ZC3H10: variants seen among roughly 807,000 people sequenced by gnomAD.
ZC3H10 encodes zinc finger CCCH domain-containing protein 10.
Under a neutral mutation model 24.3 loss-of-function variants are expected in ZC3H10, and 12 were observed. The ratio of observed to expected loss-of-function variants is 0.49; its 90% CI spans 0.32 to 0.80. The LOEUF (loss-of-function observed/expected upper bound fraction) is 0.80. ZC3H10 is among the 30% of genes least tolerant of loss of function. ZC3H10 has a pLI of 0.04. For missense variants in ZC3H10, 360 were observed against 576.3 expected (o/e 0.62, Z 3.84); for synonymous variants, 226 against 217.0 (o/e 1.04, Z -0.36).
rs760072469 is a variant in ZC3H10 at position 56,121,617 on chromosome 12, C to G, written c.1055C>G (p.Pro352Arg). Residue 352 changes from proline (P) to arginine (R), a missense_variant, in exon 3 of 3, where the codon CCA becomes CGA. By Grantham distance (103) the Pro-to-Arg change is moderately radical. Transcript: ENST00000257940. The surrounding 1 kb of genome is among the most constrained non-coding windows in gnomAD (Gnocchi z 6.2). ...AATGCTGCACCTCCTGCTGCTCCAC[C>G]ACCCCCACCCCCACACTTGACCCCA... The part of the protein sequence containing the change: ...PTNAAPPAAP[P>R]PPPPHLTPEI... 13 of 1,612,634 alleles carry G rather than the reference C, an allele frequency of 8.1e-6. No homozygotes were observed. The highest frequency in any genetic ancestry group is 2.2e-5 in the East Asian group (1 of 44,864).
rs966903110 is a variant in ZC3H10, at chr12:56,126,840, A to T, written c.*4973A>T. 6.6e-6 allele frequency: 1 copy of T among 152,248 alleles called. No individual in the cohort carries two copies. The highest frequency in any genetic ancestry group is 2.4e-5 in the African/African-American group (1 of 41,472). 9.4% of individuals were successfully genotyped at this position (152,248 alleles called of 1,614,324 possible). A position where few individuals can be genotyped will look rare whatever the true frequency, so the allele number is the denominator to read the frequency against. ...AAGATACTGCTAGCCCTAGGGAAGT[A>T]GAGAAAAGGAAGTGAAAAAATTTAA... On this transcript the variant is annotated 3_prime_UTR_variant, in exon 3 of 3. Coordinates refer to ENST00000257940, the MANE Select transcript of ZC3H10 (RefSeq NM_032786.3).
At chr12:56,118,523 C>T (rs79350129) in intron 1 of ZC3H10, 1,806 of 152,624 alleles carry the variant, frequency 0.012, 19 homozygotes, top group Non-Finnish European at 0.02. Context: ...CTGCCCATCC[C>T]CTCAGCTTGA....
rs1312900315 is a variant in ZC3H10, at chr12:56,127,157, A to G, written c.*5290A>G. ...TCTAGTTCCTAGATCCTAGGACAAC[A>G]CTCCACCTCTAACGCCAGTTAACTA... On this transcript the variant is annotated 3_prime_UTR_variant, in exon 3 of 3. Coordinates refer to ENST00000257940, the MANE Select transcript of ZC3H10 (RefSeq NM_032786.3). The G allele has an allele frequency of 6.6e-6, 1 of 152,114 alleles. No homozygotes were observed. Among genetic ancestry groups the G allele is most frequent in the Non-Finnish European group, 1.5e-5 (1 of 68,018 alleles). The allele number at this position is 152,114 out of a possible 1,614,324, so 9.4% of individuals were successfully genotyped here.
rs1869825251 is a variant in ZC3H10, at chr12:56,121,451, C to T, written c.889C>T (p.Pro297Ser). Reference protein sequence around the residue: ...TAPATEQTLAPTVGTVATFNH... With the variant: ...TAPATEQTLASTVGTVATFNH... ...ACCAGCGACTGAGCAGACTCTGGCC[C>T]CCACTGTGGGCACTGTTGCCACTTT... is the stretch of plus-strand genomic sequence containing the variant. The change falls in exon 3 of 3, where the codon CCC (proline) becomes TCC (serine). Residue 297 changes from proline to serine, a missense_variant. Physicochemically the swap from Pro to Ser is moderately conservative, Grantham distance 74. Coordinates refer to ENST00000257940, the MANE Select transcript of ZC3H10 (RefSeq NM_032786.3). This position sits in a 1 kb window ranked among gnomAD's most constrained non-coding sequence, Gnocchi z 6.2. 1.1e-5 allele frequency: 18 copies of T among 1,610,360 alleles called. No individual in the cohort carries two copies. The highest frequency in any genetic ancestry group is 2.7e-5 in the African/African-American group (2 of 74,846).
Position 56,121,796 on chromosome 12 carries a change from C to G in ZC3H10, c.1234C>G (p.His412Asp). The change falls in exon 3 of 3, where the codon CAC (histidine) becomes GAC (aspartate). Residue 412 changes from histidine to aspartate, a missense_variant. Transcript: ENST00000257940. This position sits in a 1 kb window ranked among gnomAD's most constrained non-coding sequence, Gnocchi z 6.2. Reference sequence around the variant, plus strand: ...ACCCTTGGCAGGAATCACAATGAGCCACACCACCACTCCCATGGTGACTTA... The same window carrying G: ...ACCCTTGGCAGGAATCACAATGAGCGACACCACCACTCCCATGGTGACTTA... ...AQPLAGITMS[H>D]TTTPMVTYPI... 1 of 1,614,176 alleles carries G rather than the reference C, an allele frequency of 6.2e-7. No homozygotes were observed. The highest frequency in any genetic ancestry group is 8.5e-7 in the Non-Finnish European group (1 of 1,180,030).
chr12:56,121,253 C>G lies in ZC3H10; in HGVS notation c.691C>G (p.Pro231Ala). 2 of 1,613,358 alleles carry G rather than the reference C, an allele frequency of 1.2e-6. No individual in the cohort carries two copies. Among genetic ancestry groups the G allele is most frequent in the Middle Eastern group, 1.6e-4 (1 of 6,062 alleles). The change falls in exon 3 of 3, where the codon CCA becomes GCA. Residue 231 changes from proline to alanine, a missense_variant. Coordinates refer to ENST00000257940, the MANE Select transcript of ZC3H10 (RefSeq NM_032786.3). This position sits in a 1 kb window ranked among gnomAD's most constrained non-coding sequence, Gnocchi z 6.2. ...HFESYEYSLAPPRGVECRLLE... is the reference protein window; with the variant it reads ...HFESYEYSLAAPRGVECRLLE... ...TGAGTCATATGAATATAGTTTGGCT[C>G]CACCGCGAGGGGTGGAGTGCAGACT...
chr12:56,121,156 G>A lies in ZC3H10; in HGVS notation c.594G>A (p.Arg198=), dbSNP rs74094539. Residue 198 remains arginine (R), a synonymous_variant, in exon 3 of 3, where the codon AGG becomes AGA. Transcript: ENST00000257940. The surrounding 1 kb of genome is among the most constrained non-coding windows in gnomAD (Gnocchi z 6.2). ...DLYDIYDLPD[R]GFEDHEPGPK... Reference sequence around the variant, plus strand: ...ATGATATCTATGACCTTCCTGACAGGGGCTTTGAGGACCATGAGCCAGGCC... The same window carrying A: ...ATGATATCTATGACCTTCCTGACAGAGGCTTTGAGGACCATGAGCCAGGCC... 3.0e-3 allele frequency: 4,855 copies of A among 1,614,128 alleles called. 117 individuals are homozygous for A. In the African/African-American group the frequency reaches 0.058, roughly 19 times the overall value.
chr12:56,124,809 C>G lies in ZC3H10; in HGVS notation c.*2942C>G, dbSNP rs550756780. The G allele has an allele frequency of 4.6e-5, 7 of 152,300 alleles. No individual in the cohort carries two copies. The East Asian group carries it at 1.3e-3, about 29-fold the overall frequency. 9.4% of individuals were successfully genotyped at this position (152,300 alleles called of 1,614,324 possible). On this transcript the variant is annotated 3_prime_UTR_variant, in exon 3 of 3. Transcript: ENST00000257940. ...ACTAAAAAATTGCTTAGATCTTGAA[C>G]TAGTTTGAGGAACAATGTTAGAGAT...
rs1295387276 is a variant in ZC3H10, at chr12:56,126,617, C to T, written c.*4750C>T. ...GCCTACTCCAGTGCTTGGCAAATTT[C>T]AGTTTATAGAGAGGTTTCTCTCTAA... On this transcript the variant is annotated 3_prime_UTR_variant, in exon 3 of 3. Coordinates refer to ENST00000257940, the MANE Select transcript of ZC3H10 (RefSeq NM_032786.3). 6.6e-6 allele frequency: 1 copy of T among 152,142 alleles called. No individual in the cohort carries two copies. 9.4% of individuals were successfully genotyped at this position (152,142 alleles called of 1,614,324 possible). A position where few individuals can be genotyped will look rare whatever the true frequency, so the allele number is the denominator to read the frequency against.
rs976588086 is a variant in ZC3H10, at chr12:56,125,700, A to T, written c.*3833A>T. ...CTGCAAGTAAGGAATGGGGCCAGGA[A>T]TCTATTCAGGCAGTCTCACTCCAGA... On this transcript the variant is annotated 3_prime_UTR_variant, in exon 3 of 3. Coordinates refer to ENST00000257940, the MANE Select transcript of ZC3H10 (RefSeq NM_032786.3). 6 of 152,318 alleles carry T rather than the reference A, an allele frequency of 3.9e-5. No homozygotes were observed. The East Asian group carries it at 1.2e-3, about 29-fold the overall frequency. 9.4% of individuals were successfully genotyped at this position (152,318 alleles called of 1,614,324 possible).
rs1001680451 is a variant in ZC3H10 at position 56,124,686 on chromosome 12, A to G, written c.*2819A>G. The G allele has an allele frequency of 2.0e-5, 3 of 152,356 alleles. No homozygotes were observed. Among genetic ancestry groups the G allele is most frequent in the African/African-American group, 7.2e-5 (3 of 41,584 alleles). The allele number at this position is 152,356 out of a possible 1,614,324, so 9.4% of individuals were successfully genotyped here. ...AAGAAAAAACCCAACTCGGGTAAAC[A>G]TGTAAAAAACCCATTTATCAACAGT... On this transcript the variant is annotated 3_prime_UTR_variant, in exon 3 of 3. Transcript: ENST00000257940.
Position 56,121,075 on chromosome 12 carries a change from A to C in ZC3H10, c.513A>C (p.Gly171=), listed in dbSNP as rs749620965. The C allele has an allele frequency of 6.2e-7, 1 of 1,614,136 alleles. No individual in the cohort carries two copies. Among genetic ancestry groups the C allele is most frequent in the Non-Finnish European group, 8.5e-7 (1 of 1,180,006 alleles). Reference sequence around the variant, plus strand: ...TTGAGTTTGATGCTCGGGGTGGAGGAGGCACTGGTGGGGGCTCAACAGGCT... The same window carrying C: ...TTGAGTTTGATGCTCGGGGTGGAGGCGGCACTGGTGGGGGCTCAACAGGCT... ...RDFEFDARGG[G]GTGGGSTGSV... is the part of the protein sequence containing the mutation. The change falls in exon 3 of 3, where the codon GGA becomes GGC. Residue 171 remains glycine (G), a synonymous_variant. Transcript: ENST00000257940. This position sits in a 1 kb window ranked among gnomAD's most constrained non-coding sequence, Gnocchi z 6.2.
chr12:56,125,767 G>T lies in ZC3H10; in HGVS notation c.*3900G>T, dbSNP rs926461772. The T allele has an allele frequency of 1.3e-5, 2 of 150,804 alleles. No individual in the cohort carries two copies. The highest frequency in any genetic ancestry group is 4.9e-5 in the African/African-American group (2 of 40,918). 9.3% of individuals were successfully genotyped at this position (150,804 alleles called of 1,614,324 possible). A position where few individuals can be genotyped will look rare whatever the true frequency, so the allele number is the denominator to read the frequency against. ...TAATGATATAGCCATCCAACAAAGC[G>T]ATCACTACTTGGCAGTAATTTTTTT... On this transcript the variant is annotated 3_prime_UTR_variant, in exon 3 of 3. Transcript: ENST00000257940.
Position 56,123,312 on chromosome 12 carries a change from G to C in ZC3H10, c.*1445G>C, listed in dbSNP as rs1257176133. On this transcript the variant is annotated 3_prime_UTR_variant, in exon 3 of 3. Coordinates refer to ENST00000257940, the MANE Select transcript of ZC3H10 (RefSeq NM_032786.3). ...GGTCACATCTGGGATTGGAGATGGT[G>C]GGCTAGGTCAAGGCCAGTCATTAAA... The C allele has an allele frequency of 6.6e-6, 1 of 151,712 alleles. No individual in the cohort carries two copies. The highest frequency in any genetic ancestry group is 1.5e-5 in the Non-Finnish European group (1 of 67,980). The allele number at this position is 151,712 out of a possible 1,614,324, so 9.4% of individuals were successfully genotyped here. A position where few individuals can be genotyped will look rare whatever the true frequency, so the allele number is the denominator to read the frequency against.
chr12:56,120,141 C>G, intron 2 of ZC3H10: 1 of 909,900 alleles, frequency 1.1e-6, no homozygotes, highest in Non-Finnish European at 1.3e-6. Flanking sequence ...AGCTCAGTAG[C>G]CCATCTTGGG....
Position 56,121,168 on chromosome 12 carries a change from C to T in ZC3H10, c.606C>T (p.Asp202=), listed in dbSNP as rs1869809935. The T allele has an allele frequency of 1.2e-6, 2 of 1,614,000 alleles. No individual in the cohort carries two copies. Residue 202 remains aspartate, a synonymous_variant, in exon 3 of 3, where the codon GAC becomes GAT. Coordinates refer to ENST00000257940, the MANE Select transcript of ZC3H10 (RefSeq NM_032786.3). This position sits in a 1 kb window ranked among gnomAD's most constrained non-coding sequence, Gnocchi z 6.2. Reference sequence around the variant, plus strand: ...ACCTTCCTGACAGGGGCTTTGAGGACCATGAGCCAGGCCCAAAACGCCGGC... The same window carrying T: ...ACCTTCCTGACAGGGGCTTTGAGGATCATGAGCCAGGCCCAAAACGCCGGC... The part of the protein sequence containing the change: ...IYDLPDRGFE[D]HEPGPKRRRG...
chr12:56,119,766 A>G (rs1869753640), intron 2 of ZC3H10: 1 of 152,056 alleles, frequency 6.6e-6, no homozygotes, highest in African/African-American at 2.4e-5. Context: ...GGATCTTCAC[A>G]TAGGGGAGTA....
In ZC3H10 at chr12:56,121,181, C is replaced by T. The variant is rs371573767; in HGVS notation, c.619C>T (p.Pro207Ser). 5 of 1,614,062 alleles carry T rather than the reference C, an allele frequency of 3.1e-6. No individual in the cohort carries two copies. The highest frequency in any genetic ancestry group is 4.2e-6 in the Non-Finnish European group (5 of 1,180,030). ...GGGCTTTGAGGACCATGAGCCAGGC[C>T]CAAAACGCCGGCGAGGTGGATGCTG... is the stretch of plus-strand genomic sequence containing the variant. ...DRGFEDHEPG[P>S]KRRRGGCCPP... Residue 207 changes from proline (P) to serine (S), a missense_variant, in exon 3 of 3, where the codon CCA becomes TCA. Pro to Ser is a moderately conservative substitution (Grantham distance 74). Transcript: ENST00000257940. The surrounding 1 kb of genome is among the most constrained non-coding windows in gnomAD (Gnocchi z 6.2).
In ZC3H10 at chr12:56,127,139, C is replaced by T. The variant is rs1057435077; in HGVS notation, c.*5272C>T. The stretch of plus-strand genomic sequence containing the variant: ...TCATCAACTTCCAATTAGTCTAGTT[C>T]CTAGATCCTAGGACAACACTCCACC... On this transcript the variant is annotated 3_prime_UTR_variant, in exon 3 of 3. Transcript: ENST00000257940. 11 of 152,162 alleles carry T rather than the reference C, an allele frequency of 7.2e-5. No individual in the cohort carries two copies. The highest frequency in any genetic ancestry group is 2.7e-4 in the African/African-American group (11 of 41,416). The allele number at this position is 152,162 out of a possible 1,614,324, so 9.4% of individuals were successfully genotyped here. A position where few individuals can be genotyped will look rare whatever the true frequency, so the allele number is the denominator to read the frequency against.
Sources: allele counts gnomAD v4.1 joint callset, GRCh38; gene constraint gnomAD v4.1.1; non-coding constraint Gnocchi (gnomAD v3.1); transcripts MANE v1.5; gene names NCBI Gene and HGNC (gene_info 2026-07-23, HGNC 2026-07-21).